Variants in MAGI2 observed in about 807,000 individuals in gnomAD.
MAGI2 encodes membrane-associated guanylate kinase, WW and PDZ domain-containing protein 2.
In MAGI2, 35 loss-of-function variants were observed where a neutral mutation model predicts 133.3. The ratio of observed to expected loss-of-function variants is 0.26; its 90% CI spans 0.20 to 0.35. MAGI2 has a LOEUF of 0.35. Among genes scored for constraint, MAGI2 ranks in the 10% least tolerant of loss-of-function variants. The pLI, the probability that MAGI2 is intolerant of heterozygous loss-of-function variation, is 1.00. For missense variants in MAGI2, 1,636 were observed against 1,863.4 expected, an observed-to-expected ratio of 0.88 and a Z score of 2.25; for synonymous variants, 729 against 710.6, an observed-to-expected ratio of 1.03 and a Z score of -0.41.
At chr7:78,657,021 C>T (rs1421130139) in intron 2 of MAGI2, among the ~76,000 whole-genome samples, 1 of 146,388 alleles carries the variant, frequency 6.8e-6, no homozygotes, top group African/African-American at 2.5e-5. Context: ...AGGCCAAACA[C>T]ATTAACAGAT....
intron 9 of MAGI2, among the ~76,000 whole-genome samples, chr7:78,331,441 C>A (rs1026448178): frequency 6.6e-6 from 1 of 152,202 alleles, no homozygotes; most frequent in Non-Finnish European, 1.5e-5. Context: ...TCTAGCTGTG[C>A]TCACTTTGGT....
chr7:78,337,237 A>T (rs1213460670), intron 9 of MAGI2, among the ~76,000 whole-genome samples: 1 of 152,234 alleles, frequency 6.6e-6, no homozygotes, highest in African/African-American at 2.4e-5. Flanking sequence ...ACCAGAACTC[A>T]GAAGGTTTCT....
At chr7:79,212,988 T>C (rs77064212) in intron 1 of MAGI2, among the ~76,000 whole-genome samples, 3,932 of 151,994 alleles carry the variant, frequency 0.026, 80 homozygotes, top group East Asian at 0.04. Context: ...TAATGGGAAG[T>C]GGTTATGCCC....
chr7:78,461,935 A>AGAAAG lies in MAGI2; in HGVS notation c.1045+27825_1045+27826insCTTTC, dbSNP rs1385450969. Among the ~76,000 whole-genome samples the AGAAAG allele has an allele frequency of 7.0e-3, 778 of 111,186 alleles. 14 individuals carry two copies. The highest frequency in any genetic ancestry group is 0.022 in the African/African-American group (616 of 28,220). 72.9% of individuals were successfully genotyped at this position (111,186 alleles called of 152,430 possible). On this transcript the variant is annotated intron_variant, in intron 6 of 21. Transcript: ENST00000354212. ...CCGTCTCAAAAAAAAAAAAAAAAAA[A>AGAAAG]AAAAAAAAAAAAGAAAGAAAGAAAC...
intron 6 of MAGI2, among the ~76,000 whole-genome samples, chr7:78,370,450 C>T (rs1229250692): frequency 1.3e-5 from 2 of 151,860 alleles, no homozygotes; most frequent in African/African-American, 4.8e-5. Context: ...CTAGTTTTTA[C>T]CTGTCATGTG....
chr7:79,132,041 A>G (rs1820981906), intron 1 of MAGI2, among the ~76,000 whole-genome samples: 1 of 152,204 alleles, frequency 6.6e-6, no homozygotes, highest in South Asian at 2.1e-4. Flanking sequence ...CAAAATAAAT[A>G]CAAATAATAC....
intron 6 of MAGI2, among the ~76,000 whole-genome samples, chr7:78,473,558 T>C (rs1485492455): frequency 6.6e-6 from 1 of 152,096 alleles, no homozygotes; most frequent in East Asian, 1.9e-4. Context: ...TGGTATGACG[T>C]ACTTCTTCAG....
intron 2 of MAGI2, among the ~76,000 whole-genome samples, chr7:78,950,546 C>T (rs1475056660): frequency 6.6e-6 from 1 of 152,070 alleles, no homozygotes; most frequent in Non-Finnish European, 1.5e-5. Context: ...GGTTTCTCAC[C>T]ATGGAATAAT....
At chr7:78,764,038 G>A (rs184257123) in intron 2 of MAGI2, among the ~76,000 whole-genome samples, 1 of 152,284 alleles carries the variant, frequency 6.6e-6, no homozygotes, top group East Asian at 1.9e-4. Context: ...TTCTTACATA[G>A]TGCTGTGGTT....
chr7:78,836,448 T>A (rs1195393802), intron 2 of MAGI2, among the ~76,000 whole-genome samples: 1 of 152,192 alleles, frequency 6.6e-6, no homozygotes, highest in African/African-American at 2.4e-5. Context: ...TCTTAAAATG[T>A]GAGTTTTTAT....
intron 2 of MAGI2, among the ~76,000 whole-genome samples, chr7:78,897,674 A>T (rs189115122): frequency 6.6e-6 from 1 of 152,294 alleles, no homozygotes; most frequent in Non-Finnish European, 1.5e-5. Flanking sequence ...GAAGAATGCC[A>T]CTGGTAGTTT....
chr7:78,948,085 C>A (rs1217963328), intron 2 of MAGI2, among the ~76,000 whole-genome samples: 2 of 151,938 alleles, frequency 1.3e-5, no homozygotes, highest in Admixed American at 6.6e-5. Context: ...AAAAGTGAGA[C>A]TAAAATGATT....
intron 7 of MAGI2, chr7:78,358,220 T>C (rs1250878185): frequency 1.0e-5 from 1 of 99,900 alleles, no homozygotes; most frequent in East Asian, 2.9e-4. Flanking sequence ...TATATATATA[T>C]ATATATATAT....
intron 21 of MAGI2, among the ~76,000 whole-genome samples, chr7:78,062,488 C>G (rs976300003): frequency 2.0e-5 from 3 of 152,258 alleles, no homozygotes; most frequent in African/African-American, 7.2e-5. Flanking sequence ...ACTTTTTCAT[C>G]TAGAAAATGG....
At chr7:78,879,674 A>T (rs920952358) in intron 2 of MAGI2, among the ~76,000 whole-genome samples, 8 of 152,122 alleles carry the variant, frequency 5.3e-5, no homozygotes, top group African/African-American at 1.9e-4. Flanking sequence ...TACCATAAAA[A>T]ATCTGAACAT....
intron 2 of MAGI2, among the ~76,000 whole-genome samples, chr7:78,703,015 G>C (rs887423090): frequency 6.6e-6 from 1 of 151,990 alleles, no homozygotes; most frequent in African/African-American, 2.4e-5. Flanking sequence ...AATGTTGGAA[G>C]ATTTTCAAAA....
At chr7:78,848,775 A>T (rs78351699) in intron 2 of MAGI2, among the ~76,000 whole-genome samples, 2,244 of 152,126 alleles carry the variant, frequency 0.015, 47 homozygotes, top group African/African-American at 0.052. Flanking sequence ...TCTCTGCCAA[A>T]ATATATCATC....
intron 20 of MAGI2, among the ~76,000 whole-genome samples, chr7:78,119,610 T>C (rs1293445797): frequency 1.5e-5 from 2 of 130,534 alleles, no homozygotes; most frequent in African/African-American, 5.7e-5. Flanking sequence ...GACTGAACCA[T>C]ACTGTAAACT....
chr7:78,551,610 C>T (rs541700138), intron 3 of MAGI2, among the ~76,000 whole-genome samples: 1 of 152,340 alleles, frequency 6.6e-6, no homozygotes, highest in South Asian at 2.1e-4. Context: ...TCTGAGGAGA[C>T]TGTCCTAAGG....
Sources: allele counts gnomAD v4.1 joint callset (sites outside exome capture counted in the v4.1 genomes callset), GRCh38; gene constraint gnomAD v4.1.1; transcripts MANE v1.5; gene names NCBI Gene and HGNC (gene_info 2026-07-23, HGNC 2026-07-21).